The following AUH variants were observed in gnomAD, a reference collection of about 807,000 sequenced individuals.
AUH encodes the protein AU RNA binding methylglutaconyl-CoA hydratase.
In AUH, 29 loss-of-function variants were observed where a neutral mutation model predicts 42.3. The observed-to-expected ratio is 0.69, with a 90% confidence interval of 0.51 to 0.93. AUH has a LOEUF of 0.93. Ranked by LOEUF, AUH falls within the 40% of genes least tolerant of loss-of-function variation. AUH has a pLI of 0.00. For missense variants in AUH, 452 were observed against 438.1 expected (o/e 1.03, Z -0.28); for synonymous variants, 174 against 166.4 (o/e 1.05, Z -0.35).
chr9:91,338,570 A>G (rs540739331), intron 3 of AUH, among the ~76,000 whole-genome samples: 2 of 152,286 alleles, frequency 1.3e-5, no homozygotes, highest in South Asian at 4.1e-4. Flanking sequence ...AGCTGAGATT[A>G]CAGGTGCCCA....
chr9:91,262,476 G>A lies in AUH; in HGVS notation c.655+33545C>T, dbSNP rs111899764. 2.6e-5 allele frequency among the ~76,000 whole-genome samples: 4 copies of A among 152,160 alleles called. No homozygotes were observed. In the East Asian group the frequency reaches 5.8e-4, roughly 22 times the overall value. Reference sequence around the variant, plus strand: ...ATTATTTCCACTGAACATGAACATGGCCCCAAACACTGTGACCAGGCTGAG... The same window carrying A: ...ATTATTTCCACTGAACATGAACATGACCCCAAACACTGTGACCAGGCTGAG... On this transcript the variant is annotated intron_variant, in intron 6 of 9. Transcript: ENST00000375731.
At chr9:91,215,335 C>T (rs1826759088) in intron 9 of AUH, among the ~76,000 whole-genome samples, 1 of 152,106 alleles carries the variant, frequency 6.6e-6, no homozygotes, top group Non-Finnish European at 1.5e-5. Context: ...TGCAGATGCT[C>T]AAGTCCCTTA....
At chr9:91,295,714 A>AT (rs1260174089) in intron 6 of AUH, among the ~76,000 whole-genome samples, 1 of 152,214 alleles carries the variant, frequency 6.6e-6, no homozygotes, top group Non-Finnish European at 1.5e-5. Context: ...AGATATGTAC[A>AT]TTGTGTTTTT....
At chr9:91,295,173 T>C (rs1424335550) in intron 6 of AUH, among the ~76,000 whole-genome samples, 1 of 152,214 alleles carries the variant, frequency 6.6e-6, no homozygotes, top group African/African-American at 2.4e-5. Context: ...CTTTGCCTTC[T>C]GTCATGACTG....
intron 6 of AUH, among the ~76,000 whole-genome samples, chr9:91,225,032 T>TA (rs1413943235): frequency 6.6e-6 from 1 of 152,238 alleles, no homozygotes; most frequent in Non-Finnish European, 1.5e-5. Flanking sequence ...CCGGAATAGT[T>TA]ACCCCAAATG....
At chr9:91,329,598 G>GT (rs1830187967) in intron 3 of AUH, among the ~76,000 whole-genome samples, 2 of 151,878 alleles carry the variant, frequency 1.3e-5, no homozygotes, top group South Asian at 4.2e-4. Context: ...CAGGTAATTT[G>GT]TTTTCTCCTT....
At chr9:91,264,909 G>C (rs1219705987) in intron 6 of AUH, among the ~76,000 whole-genome samples, 1 of 152,152 alleles carries the variant, frequency 6.6e-6, no homozygotes, top group Non-Finnish European at 1.5e-5. Context: ...GTTTAAAAGT[G>C]TATTTACCTT....
At chr9:91,314,124 A>G (rs1269639795) in intron 4 of AUH, among the ~76,000 whole-genome samples, 1 of 152,120 alleles carries the variant, frequency 6.6e-6, no homozygotes, top group Non-Finnish European at 1.5e-5. Context: ...GTGCCTGCCC[A>G]TAAACGCATT....
intron 6 of AUH, among the ~76,000 whole-genome samples, chr9:91,248,740 C>T (rs905565534): frequency 2.6e-5 from 4 of 152,154 alleles, no homozygotes; most frequent in Non-Finnish European, 4.4e-5. Context: ...TGTAACAAAA[C>T]CATTTCCCCT....
At chr9:91,256,894 T>C (rs1829430774) in intron 6 of AUH, among the ~76,000 whole-genome samples, 2 of 152,040 alleles carry the variant, frequency 1.3e-5, no homozygotes, top group South Asian at 4.1e-4. Context: ...GGCAAAGACA[T>C]GAGTTACGAT....
chr9:91,256,391 G>T (rs1829404394), intron 6 of AUH, among the ~76,000 whole-genome samples: 2 of 152,056 alleles, frequency 1.3e-5, no homozygotes, highest in Admixed American at 1.3e-4. Flanking sequence ...TCTAAAGACA[G>T]CAACAAACCT....
intron 4 of AUH, among the ~76,000 whole-genome samples, chr9:91,304,419 G>A (rs1427154168): frequency 1.3e-5 from 2 of 152,186 alleles, no homozygotes; most frequent in Non-Finnish European, 2.9e-5. Flanking sequence ...ATGGAATAGG[G>A]TCCAACTCCT....
At chr9:91,237,994 AG>A (rs1188434987) in intron 6 of AUH, among the ~76,000 whole-genome samples, 1 of 152,220 alleles carries the variant, frequency 6.6e-6, no homozygotes, top group Admixed American at 6.5e-5. Flanking sequence ...AGCATTACCA[AG>A]GGAGTATGGG....
At chr9:91,287,109 A>T (rs903426960) in intron 6 of AUH, among the ~76,000 whole-genome samples, 3 of 152,168 alleles carry the variant, frequency 2.0e-5, no homozygotes, top group African/African-American at 7.2e-5. Context: ...AAAATGGGTA[A>T]GTATCATGTT....
At chr9:91,218,807 T>C (rs186051072) in intron 7 of AUH, 4 of 985,206 alleles carry the variant, frequency 4.1e-6, no homozygotes, top group Non-Finnish European at 1.2e-6. Flanking sequence ...TCTGGAGGAC[T>C]AATCATTTGG....
intron 6 of AUH, among the ~76,000 whole-genome samples, chr9:91,244,954 T>C (rs1300569722): frequency 6.6e-6 from 1 of 152,196 alleles, no homozygotes; most frequent in Non-Finnish European, 1.5e-5. Context: ...GAAAACAAAA[T>C]ATGCATTGAT....
chr9:91,292,171 AAAC>A (rs1235343804), intron 6 of AUH, among the ~76,000 whole-genome samples: 1 of 152,142 alleles, frequency 6.6e-6, no homozygotes, highest in African/African-American at 2.4e-5. Flanking sequence ...GGAATAGAAG[AAAC>A]AACACCTCTT....
intron 3 of AUH, among the ~76,000 whole-genome samples, chr9:91,350,005 A>C (rs1478693532): frequency 6.6e-6 from 1 of 152,222 alleles, no homozygotes; most frequent in Admixed American, 6.5e-5. Flanking sequence ...CCGGCCAACC[A>C]GAAAGACTTT....
intron 6 of AUH, among the ~76,000 whole-genome samples, chr9:91,267,351 T>C (rs545446787): frequency 6.6e-6 from 1 of 152,356 alleles, no homozygotes; most frequent in Admixed American, 6.5e-5. Flanking sequence ...AATTAGTTAA[T>C]GGTTTAAACC....
Sources: allele counts gnomAD v4.1 joint callset (sites outside exome capture counted in the v4.1 genomes callset), GRCh38; gene constraint gnomAD v4.1.1; transcripts MANE v1.5; gene names NCBI Gene and HGNC (gene_info 2026-07-23, HGNC 2026-07-21).